ANKH: variants seen among roughly 807,000 people sequenced by gnomAD.
The protein encoded by ANKH is ANKH inorganic pyrophosphate transport regulator.
ANKH carries 15 observed loss-of-function variants against 49.0 expected under a neutral mutation model. That is an observed-to-expected ratio of 0.31 (90% CI 0.20 to 0.47). The LOEUF is 0.47. Ranked by LOEUF, ANKH falls within the 20% of genes least tolerant of loss-of-function variation. The pLI is 1.00. For synonymous variants in ANKH, 273 were observed against 260.0 expected, an observed-to-expected ratio of 1.05 and a Z score of -0.48; for missense variants, 429 against 652.0, an observed-to-expected ratio of 0.66 and a Z score of 3.72.
intron 4 of ANKH, among the ~76,000 whole-genome samples, chr5:14,753,359 C>A (rs1431457656): frequency 6.6e-6 from 1 of 152,176 alleles, no homozygotes; most frequent in Non-Finnish European, 1.5e-5. Context: ...TTTGCAGAAG[C>A]ACCGCGCAAT....
chr5:14,846,989 CA>C (rs1741979886), intron 1 of ANKH, among the ~76,000 whole-genome samples: 1 of 122,146 alleles, frequency 8.2e-6, no homozygotes, highest in African/African-American at 3.1e-5. Flanking sequence ...GCCTGGGAAA[CA>C]GTGTAAGACT....
chr5:14,716,223 C>T (rs1259104560), intron 9 of ANKH, among the ~76,000 whole-genome samples: 5 of 152,160 alleles, frequency 3.3e-5, no homozygotes, highest in Non-Finnish European at 7.3e-5. Flanking sequence ...AGTTGTACGC[C>T]AGGTGCAGTG....
At chr5:14,829,883 C>T (rs182255954) in intron 1 of ANKH, among the ~76,000 whole-genome samples, 1 of 152,284 alleles carries the variant, frequency 6.6e-6, no homozygotes, top group Admixed American at 6.5e-5. Context: ...GCAAAACATC[C>T]ACCTAGCCTC....
rs564219933 is a variant in ANKH, at chr5:14,711,424, A to G, written c.1366-114T>C. On this transcript the variant is annotated intron_variant, in intron 11 of 11. Coordinates refer to ENST00000284268, the MANE Select transcript of ANKH (RefSeq NM_054027.6). ...GGGGGACCCCTCACTGTAGGCTTAA[A>G]CCTTCTTATGGTTGGGGTGGCGTCA... 13 of 863,202 alleles carry G rather than the reference A, an allele frequency of 1.5e-5. No individual in the cohort carries two copies. The African/African-American group carries it at 1.8e-4, about 12-fold the overall frequency. The allele number at this position is 863,202 out of a possible 1,614,324, so 53.5% of individuals were successfully genotyped here. A position where few individuals can be genotyped will look rare whatever the true frequency, so the allele number is the denominator to read the frequency against.
At position 14,713,645 on chromosome 5, in the gene ANKH, G is replaced by T. The variant is rs112486043; in HGVS notation, c.1164C>A (p.Thr388=). 1 of 1,614,132 alleles carries T rather than the reference G, an allele frequency of 6.2e-7. No homozygotes were observed. The highest frequency in any genetic ancestry group is 8.5e-7 in the Non-Finnish European group (1 of 1,180,032). ...TTTTCTTCAGTGTCATCAGCCACCC[G>T]GTGAGATGCGCCCTCACTGTGACTG... ...PVPVTVRAHL[T]GWLMTLKKTF... is the part of the protein sequence containing the mutation. The change falls in exon 10 of 12, where the codon ACC becomes ACA. Residue 388 remains threonine (T), a synonymous_variant. Transcript: ENST00000284268. The surrounding 1 kb of genome is among the most constrained non-coding windows in gnomAD (Gnocchi z 4.4).
chr5:14,858,648 G>C (rs1005124535), intron 1 of ANKH, among the ~76,000 whole-genome samples: 1 of 151,698 alleles, frequency 6.6e-6, no homozygotes, highest in Non-Finnish European at 1.5e-5. Context: ...CACAGGAGGC[G>C]GGGGTTGCAG....
At position 14,709,644 on chromosome 5, in the gene ANKH, G is replaced by A. The variant is rs1401641198; in HGVS notation, c.*1553C>T. ...AGCTTGCACTTCTATTCCTACTCCAGTGACCCATTTATTCCCCAGTTACCC... is the reference window on the plus strand; with the variant it reads ...AGCTTGCACTTCTATTCCTACTCCAATGACCCATTTATTCCCCAGTTACCC... On this transcript the variant is annotated 3_prime_UTR_variant, in exon 12 of 12. Coordinates refer to ENST00000284268, the MANE Select transcript of ANKH (RefSeq NM_054027.6). 1 of 152,334 alleles carries A rather than the reference G, an allele frequency of 6.6e-6. No individual in the cohort carries two copies. Among genetic ancestry groups the A allele is most frequent in the Non-Finnish European group, 1.5e-5 (1 of 68,028 alleles). The allele number at this position is 152,334 out of a possible 1,614,324, so 9.4% of individuals were successfully genotyped here.
At chr5:14,871,291 T>G in intron 1 of ANKH, 61 bp downstream of exon 1, 1 of 1,447,918 alleles carries the variant, frequency 6.9e-7, no homozygotes, top group South Asian at 1.2e-5. Context: ...TCCGCCCCCG[T>G]GTCCGGGCGT....
chr5:14,822,429 T>C (rs1741220870), intron 1 of ANKH, among the ~76,000 whole-genome samples: 1 of 152,194 alleles, frequency 6.6e-6, no homozygotes, highest in Admixed American at 6.5e-5. Flanking sequence ...AGGCTGTTTT[T>C]CCTAGCCATC....
Position 14,749,117 on chromosome 5 carries a change from C to T in ANKH, c.822+55G>A, listed in dbSNP as rs72732802. 183 of 1,608,366 alleles carry T rather than the reference C, an allele frequency of 1.1e-4. No homozygotes were observed. In the Admixed American group the frequency reaches 1.2e-3, roughly 10 times the overall value. On this transcript the variant is annotated intron_variant, in intron 6 of 11. Coordinates refer to ENST00000284268, the MANE Select transcript of ANKH (RefSeq NM_054027.6). ...GAAGAACTGGAAATCAGTTTCAGCA[C>T]CCCCCTGCCCCACCAAGGTGATCAT...
rs576026367 is a variant in ANKH at position 14,803,147 on chromosome 5, T to A, written c.97-33956A>T. ...TTGGTGTGTGCATACTGGGCTGCAATGAAAGAACTATTACTGTGTCAGGTG... is the reference window on the plus strand; with the variant it reads ...TTGGTGTGTGCATACTGGGCTGCAAAGAAAGAACTATTACTGTGTCAGGTG... On this transcript the variant is annotated intron_variant, in intron 1 of 11. Coordinates refer to ENST00000284268, the MANE Select transcript of ANKH (RefSeq NM_054027.6). Among the ~76,000 whole-genome samples, 20 of 152,350 alleles carry A rather than the reference T, an allele frequency of 1.3e-4. No individual in the cohort carries two copies. The South Asian group carries it at 4.1e-3, about 32-fold the overall frequency.
intron 1 of ANKH, among the ~76,000 whole-genome samples, chr5:14,807,145 C>T (rs188113183): frequency 4.4e-4 from 64 of 145,730 alleles, no homozygotes; most frequent in African/African-American, 1.5e-3. Flanking sequence ...GGTAGGGCCT[C>T]GCTCTGTCTC....
intron 4 of ANKH, among the ~76,000 whole-genome samples, chr5:14,753,026 G>A (rs149010156): frequency 9.8e-5 from 15 of 152,298 alleles, no homozygotes; most frequent in Non-Finnish European, 7.3e-5. Context: ...AACGATGCAC[G>A]AGAAAGCAGG....
At chr5:14,711,657 C>T (rs113233142) in intron 11 of ANKH, among the ~76,000 whole-genome samples, 2 of 152,222 alleles carry the variant, frequency 1.3e-5, no homozygotes, top group African/African-American at 4.8e-5. Flanking sequence ...TCTCCTTCCT[C>T]CTCCCTAAAG....
chr5:14,776,263 G>A (rs952496210), intron 1 of ANKH, among the ~76,000 whole-genome samples: 3 of 152,202 alleles, frequency 2.0e-5, no homozygotes, highest in African/African-American at 4.8e-5. Context: ...AAGCAAGAGC[G>A]CCATTGGCAG....
chr5:14,817,618 A>G (rs953135786), intron 1 of ANKH, among the ~76,000 whole-genome samples: 7 of 152,190 alleles, frequency 4.6e-5, no homozygotes, highest in African/African-American at 1.4e-4. Context: ...GACATCTGCC[A>G]TCACTTCTGA....
chr5:14,790,911 A>C (rs1287900191), intron 1 of ANKH, among the ~76,000 whole-genome samples: 2 of 152,122 alleles, frequency 1.3e-5, no homozygotes, highest in Non-Finnish European at 2.9e-5. Flanking sequence ...TGCCCAGCCA[A>C]GATCCAACTC....
At chr5:14,751,274 G>C in intron 4 of ANKH, 35 bp from the exon 5 acceptor site, 1 of 1,609,490 alleles carries the variant, frequency 6.2e-7, no homozygotes, top group Non-Finnish European at 8.5e-7. Flanking sequence ...GGTCAGAGGG[G>C]AGAAGCGGGA....
chr5:14,846,730 G>A (rs957130776), intron 1 of ANKH, among the ~76,000 whole-genome samples: 5 of 152,130 alleles, frequency 3.3e-5, no homozygotes, highest in Admixed American at 1.3e-4. Flanking sequence ...GGTGGCTCAC[G>A]CCTGTAATCC....
Sources: gnomAD v4.1 joint callset for allele counts (sites outside exome capture counted in the v4.1 genomes callset) on GRCh38, gnomAD v4.1.1 for gene constraint, Gnocchi (gnomAD v3.1) non-coding constraint, MANE v1.5 for transcripts, NCBI Gene and HGNC (gene_info 2026-07-23, HGNC 2026-07-21) for gene names.